ADCY5: variants seen among roughly 807,000 people sequenced by gnomAD.
The protein encoded by ADCY5 is adenylate cyclase 5.
In ADCY5, 30 loss-of-function variants were observed where a neutral mutation model predicts 119.7. That is an observed-to-expected ratio of 0.25 (90% CI 0.19 to 0.34). The LOEUF is 0.34. Ranked by LOEUF, ADCY5 falls within the 10% of genes least tolerant of loss-of-function variation. ADCY5 has a pLI of 1.00. For missense variants in ADCY5, 1,324 were observed against 1,775.2 expected, an observed-to-expected ratio of 0.75 and a Z score of 4.57; for synonymous variants, 753 against 762.2, an observed-to-expected ratio of 0.99 and a Z score of 0.20.
chr3:123,342,409 G>C (rs1361806276), intron 3 of ADCY5, among the ~76,000 whole-genome samples: 1 of 152,110 alleles, frequency 6.6e-6, no homozygotes, highest in Non-Finnish European at 1.5e-5. Context: ...GAGGAGACAG[G>C]GGATCTCTCC....
At chr3:123,434,743 C>T (rs574081546) in intron 1 of ADCY5, among the ~76,000 whole-genome samples, 5 of 151,970 alleles carry the variant, frequency 3.3e-5, no homozygotes, top group Non-Finnish European at 5.9e-5. Flanking sequence ...TCAAAACTCC[C>T]CAGGGGATTC....
At chr3:123,401,074 A>G (rs1944737796) in intron 1 of ADCY5, among the ~76,000 whole-genome samples, 1 of 152,244 alleles carries the variant, frequency 6.6e-6, no homozygotes, top group South Asian at 2.1e-4. Flanking sequence ...GTCCACAAAA[A>G]GCTAGAAGAT....
chr3:123,340,215 A>G (rs1942216598), intron 3 of ADCY5, among the ~76,000 whole-genome samples: 1 of 152,172 alleles, frequency 6.6e-6, no homozygotes, highest in Admixed American at 6.5e-5. Flanking sequence ...GTTTGAGCCC[A>G]GGAGGTCTAG....
intron 14 of ADCY5, among the ~76,000 whole-genome samples, chr3:123,302,672 T>C (rs754447133): frequency 1.3e-5 from 2 of 152,188 alleles, no homozygotes; most frequent in Non-Finnish European, 2.9e-5. Context: ...GTCCTGGCTG[T>C]GTGATCTGGG....
intron 1 of ADCY5, among the ~76,000 whole-genome samples, chr3:123,408,345 GT>G (rs1189685498): frequency 1.9e-3 from 267 of 140,614 alleles, no homozygotes; most frequent in Non-Finnish European, 2.2e-3. Context: ...TACGTTTTTT[GT>G]TTTTTTTTTT....
Position 123,448,597 on chromosome 3 carries a change from G to A in ADCY5, c.-52C>T, listed in dbSNP as rs892502149. The A allele has an allele frequency of 7.9e-7, 1 of 1,265,930 alleles. No individual in the cohort carries two copies. The highest frequency in any genetic ancestry group is 9.9e-7 in the Non-Finnish European group (1 of 1,007,660). 78.4% of individuals were successfully genotyped at this position (1,265,930 alleles called of 1,614,324 possible). A position where few individuals can be genotyped will look rare whatever the true frequency, so the allele number is the denominator to read the frequency against. On this transcript the variant is annotated 5_prime_UTR_variant, in exon 1 of 21. Transcript: ENST00000462833. Reference sequence around the variant, plus strand: ...CCTCCTCCCCCGGAAGCCGGGCCGGGGGTCTCCAAGGGGAGGGCGGACGGC... The same window carrying A: ...CCTCCTCCCCCGGAAGCCGGGCCGGAGGTCTCCAAGGGGAGGGCGGACGGC...
At chr3:123,365,208 T>C (rs1016485838) in intron 1 of ADCY5, among the ~76,000 whole-genome samples, 3 of 152,204 alleles carry the variant, frequency 2.0e-5, no homozygotes, top group African/African-American at 7.2e-5. Context: ...CCACTCACCT[T>C]GGCCTCCCAA....
intron 20 of ADCY5, among the ~76,000 whole-genome samples, chr3:123,285,425 AAAGAG>A (rs1169581698): frequency 1.3e-5 from 2 of 150,836 alleles, no homozygotes; most frequent in African/African-American, 2.5e-5. Flanking sequence ...TTGCTGGGTG[AAAGAG>A]AAGAGTGGTG....
intron 6 of ADCY5, among the ~76,000 whole-genome samples, chr3:123,328,085 C>T (rs189145739): frequency 7.7e-4 from 118 of 152,332 alleles, no homozygotes; most frequent in Non-Finnish European, 1.2e-3. Flanking sequence ...GGCTCCTGCA[C>T]GCGACAGGAC....
At chr3:123,396,876 C>CA (rs1944611600) in intron 1 of ADCY5, among the ~76,000 whole-genome samples, 1 of 146,886 alleles carries the variant, frequency 6.8e-6, no homozygotes, top group Non-Finnish European at 1.5e-5. Context: ...CAGTGGATCA[C>CA]GGGCCCTGCT....
At position 123,352,947 on chromosome 3, in the gene ADCY5, G is replaced by A. The variant is rs1450696712; in HGVS notation, c.1135-366C>T. 6.6e-6 allele frequency among the ~76,000 whole-genome samples: 1 copy of A among 152,200 alleles called. No individual in the cohort carries two copies. The highest frequency in any genetic ancestry group is 1.5e-5 in the Non-Finnish European group (1 of 68,036). ...GCAAGGAAGGTGCCACAAGGGTGCTGGGATTTCACTTTTGAAAGTGTGATA... is the reference window on the plus strand; with the variant it reads ...GCAAGGAAGGTGCCACAAGGGTGCTAGGATTTCACTTTTGAAAGTGTGATA... On this transcript the variant is annotated intron_variant, in intron 1 of 20. Transcript: ENST00000462833. The surrounding 1 kb of genome is among the most constrained non-coding windows in gnomAD (Gnocchi z 4.8).
intron 1 of ADCY5, among the ~76,000 whole-genome samples, chr3:123,402,203 G>A (rs1944777570): frequency 6.6e-6 from 1 of 152,210 alleles, no homozygotes; most frequent in Admixed American, 6.5e-5. Flanking sequence ...TAAAGAGAAG[G>A]CAGAACCACA....
intron 1 of ADCY5, among the ~76,000 whole-genome samples, chr3:123,435,899 ATTAT>A (rs1356275751): frequency 3.7e-5 from 5 of 135,586 alleles, no homozygotes; most frequent in Non-Finnish European, 3.1e-5. Flanking sequence ...TATTATTATT[ATTAT>A]TTTCTGAGAT....
chr3:123,325,775 G>C (rs78186375), intron 7 of ADCY5, among the ~76,000 whole-genome samples: 1 of 152,238 alleles, frequency 6.6e-6, no homozygotes, highest in Non-Finnish European at 1.5e-5. Flanking sequence ...CTGTAAGTTC[G>C]ACTGTAAGAT....
At chr3:123,289,981 C>T in intron 18 of ADCY5, 27 bp from the exon 19 acceptor site, 1 of 1,611,186 alleles carries the variant, frequency 6.2e-7, no homozygotes, top group South Asian at 1.1e-5. Context: ...AAACCTGGGT[C>T]ACCCCAAGCC....
At chr3:123,387,658 C>A (rs114034859) in intron 1 of ADCY5, among the ~76,000 whole-genome samples, 2,078 of 152,284 alleles carry the variant, frequency 0.014, 35 homozygotes, top group African/African-American at 0.044. Context: ...GAAATAGTAA[C>A]CCCCCTTAAA....
chr3:123,283,973 C>T lies in ADCY5; in HGVS notation c.*635G>A, dbSNP rs986766429. ...TGTTTTATTTAATAAATATTTTTCT[C>T]AGAATCACCACTCCTTGCTTGGCGT... On this transcript the variant is annotated 3_prime_UTR_variant, in exon 21 of 21. Transcript: ENST00000462833. 3 of 152,236 alleles carry T rather than the reference C, an allele frequency of 2.0e-5. No homozygotes were observed. The highest frequency in any genetic ancestry group is 2.9e-5 in the Non-Finnish European group (2 of 68,092). 9.4% of individuals were successfully genotyped at this position (152,236 alleles called of 1,614,324 possible).
chr3:123,438,681 G>A (rs1457236161), intron 1 of ADCY5, among the ~76,000 whole-genome samples: 3 of 152,136 alleles, frequency 2.0e-5, no homozygotes, highest in African/African-American at 7.2e-5. Context: ...TGTCCTCAAA[G>A]TGCAAGCGTA....
chr3:123,421,695 C>G (rs1187540139), intron 1 of ADCY5, among the ~76,000 whole-genome samples: 1 of 152,206 alleles, frequency 6.6e-6, no homozygotes. Context: ...ATGGAGCCCA[C>G]TGCCTTCCTT....
Sources: gnomAD v4.1 joint callset for allele counts (sites outside exome capture counted in the v4.1 genomes callset) on GRCh38, gnomAD v4.1.1 for gene constraint, Gnocchi (gnomAD v3.1) non-coding constraint, MANE v1.5 for transcripts, NCBI Gene and HGNC (gene_info 2026-07-23, HGNC 2026-07-21) for gene names.